The following CUX1 variants were observed in gnomAD, a reference collection of about 807,000 sequenced individuals.
CUX1 encodes protein CASP.
In CUX1, 31 loss-of-function variants were observed where a neutral mutation model predicts 158.8. That is an observed-to-expected ratio of 0.20 (90% confidence interval 0.15 to 0.26). CUX1 has a LOEUF of 0.26. CUX1 is among the 10% of genes least tolerant of loss of function. The pLI is 1.00. For missense variants in CUX1, 1,589 were observed against 2,014.6 expected, an observed-to-expected ratio of 0.79 and a Z score of 4.04; for synonymous variants, 879 against 862.1, an observed-to-expected ratio of 1.02 and a Z score of -0.34.
At chr7:101,996,397 C>T (rs1815895151) in intron 2 of CUX1, among the ~76,000 whole-genome samples, 1 of 152,012 alleles carries the variant, frequency 6.6e-6, no homozygotes, top group Non-Finnish European at 1.5e-5. Context: ...TGGAAGTGGA[C>T]AGCAGCCCAC....
intron 18 of CUX1, chr7:102,278,080 C>T (rs1220100276): frequency 8.9e-6 from 14 of 1,567,898 alleles, no homozygotes; most frequent in Non-Finnish European, 1.1e-5. Flanking sequence ...GGGCCCTCCC[C>T]TGGCCTCAGC....
chr7:102,028,039 T>C (rs1382833360), intron 2 of CUX1, 59 bp from the exon 3 acceptor site: 56 of 1,592,456 alleles, frequency 3.5e-5, no homozygotes, highest in Non-Finnish European at 4.4e-5. Context: ...CCTTAACCAA[T>C]GTTTCCCTTC....
At chr7:101,918,177 G>A (rs1584977107) in intron 2 of CUX1, among the ~76,000 whole-genome samples, 1 of 152,194 alleles carries the variant, frequency 6.6e-6, no homozygotes, top group East Asian at 1.9e-4. Context: ...TAGTGACAGT[G>A]GAGGAGGAGC....
intron 2 of CUX1, among the ~76,000 whole-genome samples, chr7:102,014,949 C>T (rs1295793541): frequency 6.6e-6 from 1 of 151,934 alleles, no homozygotes; most frequent in Non-Finnish European, 1.5e-5. Flanking sequence ...TACCAGGTGC[C>T]TTGCCAAGAC....
intron 10 of CUX1, among the ~76,000 whole-genome samples, chr7:102,176,002 C>T (rs989964934): frequency 1.3e-5 from 2 of 152,250 alleles, no homozygotes; most frequent in South Asian, 2.1e-4. Context: ...CTGCACAGAA[C>T]GGGCCTGGAC....
intron 1 of CUX1, among the ~76,000 whole-genome samples, chr7:101,821,936 G>A (rs1392095230): frequency 2.1e-5 from 3 of 145,790 alleles, no homozygotes; most frequent in African/African-American, 7.7e-5. Context: ...CTCACTGCAA[G>A]CTGAGCCTCC....
intron 8 of CUX1, among the ~76,000 whole-genome samples, chr7:102,135,577 G>A (rs1833817771): frequency 2.0e-5 from 3 of 151,446 alleles, no homozygotes; most frequent in Non-Finnish European, 1.5e-5. Flanking sequence ...GTGTTTGTGT[G>A]TGTGTGTGTG....
intron 6 of CUX1, among the ~76,000 whole-genome samples, chr7:102,105,343 T>C (rs569924312): frequency 3.5e-4 from 54 of 152,202 alleles, no homozygotes; most frequent in Non-Finnish European, 7.1e-4. Flanking sequence ...TAATGCCCTA[T>C]GTAACTGATG....
At chr7:101,904,896 C>G (rs924572976) in intron 1 of CUX1, among the ~76,000 whole-genome samples, 4 of 152,146 alleles carry the variant, frequency 2.6e-5, no homozygotes, top group African/African-American at 9.7e-5. Flanking sequence ...GGAACATGGG[C>G]ACGTAATCTT....
In CUX1 at chr7:102,255,874, TTAAA is replaced by T; in HGVS notation, c.*6835_*6838del. ...GTACTTTGCTTTAAACGGAAAGCAC[TTAAA>T]TAGATGACTATGTGTAAAAGCTCTG... is the stretch of plus-strand genomic sequence containing the variant. On this transcript the variant is annotated 3_prime_UTR_variant, in exon 24 of 24. Coordinates refer to ENST00000292535, the MANE Select transcript of CUX1 (RefSeq NM_181552.4). 1 of 985,256 alleles carries T rather than the reference TTAAA, an allele frequency of 1.0e-6. No homozygotes were observed. The highest frequency in any genetic ancestry group is 1.2e-6 in the Non-Finnish European group (1 of 829,754). 61.0% of individuals were successfully genotyped at this position (985,256 alleles called of 1,614,324 possible).
intron 3 of CUX1, among the ~76,000 whole-genome samples, chr7:102,059,467 A>G (rs1464639493): frequency 2.6e-5 from 4 of 151,914 alleles, no homozygotes; most frequent in African/African-American, 9.7e-5. Context: ...AACCCCATCT[A>G]CTAAAAATAC....
intron 2 of CUX1, among the ~76,000 whole-genome samples, chr7:101,995,262 G>A (rs1323927781): frequency 1.3e-5 from 2 of 152,110 alleles, no homozygotes; most frequent in African/African-American, 2.4e-5. Context: ...CATCCAGGCC[G>A]CCATGGCTCA....
intron 1 of CUX1, among the ~76,000 whole-genome samples, chr7:101,863,504 C>G (rs1256874377): frequency 6.6e-6 from 1 of 152,138 alleles, no homozygotes; most frequent in Non-Finnish European, 1.5e-5. Context: ...GCATGTGCCA[C>G]CATACCCAGC....
Position 102,257,085 on chromosome 7 carries a change from A to C in CUX1, c.*8043A>C, listed in dbSNP as rs1789976433. On this transcript the variant is annotated 3_prime_UTR_variant, in exon 24 of 24. Transcript: ENST00000292535. Reference sequence around the variant, plus strand: ...GCAGGACACCCAGTTGTTGCCAATCAGGTGTGAAGGTGAGGCGCCCTGCCT... The same window carrying C: ...GCAGGACACCCAGTTGTTGCCAATCCGGTGTGAAGGTGAGGCGCCCTGCCT... 11 of 985,298 alleles carry C rather than the reference A, an allele frequency of 1.1e-5. No individual in the cohort carries two copies. The South Asian group carries it at 4.7e-4, about 42-fold the overall frequency. The allele number at this position is 985,298 out of a possible 1,614,324, so 61.0% of individuals were successfully genotyped here.
Position 102,254,343 on chromosome 7 carries a change from T to G in CUX1, c.*5301T>G. On this transcript the variant is annotated 3_prime_UTR_variant, in exon 24 of 24. Transcript: ENST00000292535. ...GGGAACACTGTAGCTCTTGGGTGTC[T>G]CTTGTCTCTGGCATGGTTTTAGCGT... 1.0e-6 allele frequency: 1 copy of G among 985,472 alleles called. No homozygotes were observed. Among genetic ancestry groups the G allele is most frequent in the Middle Eastern group, 5.2e-4 (1 of 1,914 alleles). 61.0% of individuals were successfully genotyped at this position (985,472 alleles called of 1,614,324 possible).
intron 1 of CUX1, among the ~76,000 whole-genome samples, chr7:101,914,219 C>T (rs1803861830): frequency 6.6e-6 from 1 of 152,198 alleles, no homozygotes; most frequent in African/African-American, 2.4e-5. Flanking sequence ...GCCTGAATGC[C>T]AGAAATACTA....
intron 2 of CUX1, among the ~76,000 whole-genome samples, chr7:101,933,656 G>GT (rs1028799741): frequency 2.0e-5 from 3 of 152,104 alleles, no homozygotes; most frequent in African/African-American, 7.2e-5. Flanking sequence ...GTTTTAGTAG[G>GT]TTTTCGATTT....
At chr7:101,816,408 CCGCCGCCGCCGCCAG>C (rs974213083), upstream of CUX1, among the ~76,000 whole-genome samples, 17 of 143,112 alleles carry the variant, frequency 1.2e-4, no homozygotes, top group Middle Eastern at 3.6e-3. Flanking sequence ...GGGCCCCGCG[CCGCCGCCGCCGCCAG>C]CGCCGCCGCC....
chr7:102,117,372 T>C (rs1444287555), intron 8 of CUX1, among the ~76,000 whole-genome samples: 1 of 117,408 alleles, frequency 8.5e-6, no homozygotes, highest in African/African-American at 3.5e-5. Context: ...CACCCCAGCC[T>C]GGGCTACAGA....
Sources: allele counts gnomAD v4.1 joint callset (sites outside exome capture counted in the v4.1 genomes callset), GRCh38; gene constraint gnomAD v4.1.1; transcripts MANE v1.5; gene names NCBI Gene and HGNC (gene_info 2026-07-23, HGNC 2026-07-21).